The following PPP2R2C variants were observed in gnomAD, a reference collection of about 807,000 sequenced individuals.
PPP2R2C encodes protein phosphatase 2 regulatory subunit Bgamma.
PPP2R2C carries 10 observed loss-of-function variants against 45.3 expected under a neutral mutation model. The ratio of observed to expected loss-of-function variants is 0.22; its 90% CI spans 0.14 to 0.37. PPP2R2C has a LOEUF of 0.37. Among genes scored for constraint, PPP2R2C ranks in the 10% least tolerant of loss-of-function variants. The pLI is 1.00. For missense variants in PPP2R2C, 308 were observed against 619.7 expected (o/e 0.50, Z 5.34); for synonymous variants, 257 against 245.4 (o/e 1.05, Z -0.44).
At chr4:6,510,994 C>CAAAAAAAAAAAAAA (rs200316130) in intron 2 of PPP2R2C, among the ~76,000 whole-genome samples, 3 of 33,190 alleles carry the variant, frequency 9.0e-5, no homozygotes, top group Non-Finnish European at 2.6e-4. Context: ...AAAAAACAAA[C>CAAAAAAAAAAAAAA]AAACAAAAAA....
At chr4:6,557,964 TCTC>T (rs1289332305) in intron 1 of PPP2R2C, among the ~76,000 whole-genome samples, 1 of 144,132 alleles carries the variant, frequency 6.9e-6, no homozygotes, top group Non-Finnish European at 1.5e-5. Flanking sequence ...ACCCCAGACC[TCTC>T]CTCCTCCCCT....
chr4:6,497,977 C>T (rs764639737), intron 2 of PPP2R2C, among the ~76,000 whole-genome samples: 2 of 152,332 alleles, frequency 1.3e-5, no homozygotes, highest in East Asian at 1.9e-4. Flanking sequence ...GGAGAGCTGG[C>T]GAGGACTTAC....
At chr4:6,514,714 CT>C (rs1488433285) in intron 2 of PPP2R2C, among the ~76,000 whole-genome samples, 3 of 152,220 alleles carry the variant, frequency 2.0e-5, no homozygotes, top group Non-Finnish European at 2.9e-5. Flanking sequence ...TTTCCTAGGG[CT>C]GCCATGAAAA....
chr4:6,351,383 T>C (rs971331107), intron 5 of PPP2R2C: 7 of 983,538 alleles, frequency 7.1e-6, no homozygotes, highest in Non-Finnish European at 8.5e-6. Context: ...TGTAGCCCTG[T>C]GGCAAACACA....
chr4:6,421,520 G>A (rs575269593), intron 1 of PPP2R2C, among the ~76,000 whole-genome samples: 2 of 152,252 alleles, frequency 1.3e-5, no homozygotes, highest in African/African-American at 4.8e-5. Flanking sequence ...AGTGTCATCC[G>A]CTTTGCACCA....
At chr4:6,474,089 C>T (rs1722048363), upstream of PPP2R2C, among the ~76,000 whole-genome samples, 1 of 151,528 alleles carries the variant, frequency 6.6e-6, no homozygotes, top group Non-Finnish European at 1.5e-5. Flanking sequence ...GAAGGATGTG[C>T]TTGTTCTTTG....
At chr4:6,451,168 G>C (rs955798630) in intron 1 of PPP2R2C, among the ~76,000 whole-genome samples, 1 of 152,024 alleles carries the variant, frequency 6.6e-6, no homozygotes, top group African/African-American at 2.4e-5. Flanking sequence ...TCTGCTCTGC[G>C]GGCTCCTCAG....
intron 1 of PPP2R2C, among the ~76,000 whole-genome samples, chr4:6,393,980 C>T (rs1209000752): frequency 6.6e-6 from 1 of 152,206 alleles, no homozygotes; most frequent in Non-Finnish European, 1.5e-5. Flanking sequence ...GGCCTTGGGA[C>T]AGGGTCAAGG....
chr4:6,427,209 T>C (rs1719378341), intron 1 of PPP2R2C, among the ~76,000 whole-genome samples: 1 of 152,196 alleles, frequency 6.6e-6, no homozygotes, highest in Non-Finnish European at 1.5e-5. Context: ...CCTAGAATAG[T>C]ATCTGGTACA....
intron 5 of PPP2R2C, among the ~76,000 whole-genome samples, chr4:6,360,871 G>A (rs1203884478): frequency 1.3e-5 from 2 of 152,130 alleles, no homozygotes; most frequent in East Asian, 3.9e-4. Flanking sequence ...TCTGAGGCCC[G>A]TCTCCTCGGC....
chr4:6,400,158 G>A (rs547363807), intron 1 of PPP2R2C, among the ~76,000 whole-genome samples: 2 of 152,284 alleles, frequency 1.3e-5, no homozygotes, highest in African/African-American at 4.8e-5. Flanking sequence ...GGATTGTGGG[G>A]TTCTCCCTTT....
chr4:6,392,161 T>C (rs757587412), intron 1 of PPP2R2C, among the ~76,000 whole-genome samples: 1 of 152,240 alleles, frequency 6.6e-6, no homozygotes, highest in African/African-American at 2.4e-5. Context: ...ATATACTTAA[T>C]GACATTGATT....
chr4:6,345,527 C>G lies in PPP2R2C; in HGVS notation c.790+2319G>C, dbSNP rs116299386. ...AGGCGATCACAAGGGCCTTTATACG[C>G]GAAAGACAGACAGGAGGGTCAGAGA... On this transcript the variant is annotated intron_variant, in intron 6 of 8. Coordinates refer to ENST00000382599, the MANE Select transcript of PPP2R2C (RefSeq NM_020416.4). This position sits in a 1 kb window ranked among gnomAD's most constrained non-coding sequence, Gnocchi z 5.3. 5.9e-5 allele frequency among the ~76,000 whole-genome samples: 9 copies of G among 152,116 alleles called. No homozygotes were observed. The highest frequency in any genetic ancestry group is 1.0e-4 in the Non-Finnish European group (7 of 68,034).
At chr4:6,422,987 G>A (rs1170766914) in intron 1 of PPP2R2C, among the ~76,000 whole-genome samples, 1 of 152,156 alleles carries the variant, frequency 6.6e-6, no homozygotes, top group Non-Finnish European at 1.5e-5. Flanking sequence ...ACCCAATCCA[G>A]GGTACACCCC....
chr4:6,335,925 A>G (rs1260448095), intron 6 of PPP2R2C, among the ~76,000 whole-genome samples: 1 of 152,026 alleles, frequency 6.6e-6, no homozygotes, highest in African/African-American at 2.4e-5. Context: ...CAGGAGATCT[A>G]TATCCCTGTC....
chr4:6,467,263 A>G (rs1464347836), intron 1 of PPP2R2C, among the ~76,000 whole-genome samples: 1 of 152,126 alleles, frequency 6.6e-6, no homozygotes. Context: ...CCCCCCTCTT[A>G]GCCTCAGTTT....
chr4:6,429,573 G>C (rs111281343), intron 1 of PPP2R2C, among the ~76,000 whole-genome samples: 68 of 152,270 alleles, frequency 4.5e-4, no homozygotes, highest in African/African-American at 1.5e-3. Flanking sequence ...CAAACAGCAC[G>C]AGACCCCCTC....
chr4:6,373,703 G>T (rs941658083), intron 4 of PPP2R2C, among the ~76,000 whole-genome samples: 22 of 152,238 alleles, frequency 1.4e-4, no homozygotes, highest in Non-Finnish European at 1.8e-4. Flanking sequence ...CAGCCTCGGT[G>T]CTGCAGTCGG....
intron 2 of PPP2R2C, among the ~76,000 whole-genome samples, chr4:6,511,006 A>C (rs1009764719): frequency 2.7e-5 from 4 of 150,498 alleles, no homozygotes; most frequent in Non-Finnish European, 4.4e-5. Flanking sequence ...AACAAAAAAA[A>C]AAACAGAAAA....
Sources: allele counts gnomAD v4.1 joint callset (sites outside exome capture counted in the v4.1 genomes callset), GRCh38; gene constraint gnomAD v4.1.1; non-coding constraint Gnocchi (gnomAD v3.1); transcripts MANE v1.5; gene names NCBI Gene and HGNC (gene_info 2026-07-23, HGNC 2026-07-21).